The following TJP3 variants were observed in gnomAD, a reference collection of about 807,000 sequenced individuals.
The protein encoded by TJP3 is tight junction protein 3.
TJP3 carries 85 observed loss-of-function variants against 104.2 expected under a neutral mutation model. The ratio of observed to expected loss-of-function variants is 0.82; its 90% CI spans 0.68 to 0.98. The LOEUF is 0.98. Ranked by LOEUF, TJP3 falls within the 50% of genes least tolerant of loss-of-function variation. TJP3 has a pLI of 0.00. For synonymous variants in TJP3, 550 were observed against 550.6 expected, an observed-to-expected ratio of 1.00 and a Z score of 0.02; for missense variants, 1,367 against 1,322.8, an observed-to-expected ratio of 1.03 and a Z score of -0.52.
chr19:3,742,990 G>A (rs955316756), intron 14 of TJP3, among the ~76,000 whole-genome samples: 10 of 150,340 alleles, frequency 6.7e-5, no homozygotes, highest in Admixed American at 3.3e-4. Context: ...AATAGGCCAC[G>A]TGCGGTGGCT....
chr19:3,750,444 C>T, intron 20 of TJP3, 138 bp from the exon 21 acceptor site: 1 of 813,950 alleles, frequency 1.2e-6, no homozygotes. Context: ...AGTTTGTTAA[C>T]AAGGCCCTAC....
At position 3,733,817 on chromosome 19, in the gene TJP3, A is replaced by C; in HGVS notation, c.782A>C (p.Glu261Ala). ...NDTRRLIEKS[E>A]GKLSLLVLRD... ...ACCCGGCGACTGATTGAGAAGTCAG[A>C]AGGGAAGCTAAGCCTGCTGGTGCTG... The change falls in exon 7 of 21, where the codon GAA (glutamate) becomes GCA (alanine). Residue 261 changes from glutamate to alanine, a missense_variant. Physicochemically the swap from Glu to Ala is moderately radical, Grantham distance 107. Coordinates refer to ENST00000541714, the MANE Select transcript of TJP3 (RefSeq NM_001267560.2). 6.2e-7 allele frequency: 1 copy of C among 1,614,194 alleles called. No homozygotes were observed. Among genetic ancestry groups the C allele is most frequent in the South Asian group, 1.1e-5 (1 of 91,092 alleles).
Position 3,748,044 on chromosome 19 carries a change from G to A in TJP3, c.2573G>A (p.Arg858Lys). The A allele has an allele frequency of 1.3e-6, 2 of 1,589,640 alleles. No individual in the cohort carries two copies. Among genetic ancestry groups the A allele is most frequent in the South Asian group, 1.1e-5 (1 of 88,456 alleles). The change falls in exon 19 of 21, where the codon AGG (arginine) becomes AAG (lysine). Residue 858 changes from arginine to lysine, a missense_variant. Arg to Lys is a conservative substitution (Grantham distance 26). Coordinates refer to ENST00000541714, the MANE Select transcript of TJP3 (RefSeq NM_001267560.2). ...CAGGCAGATGAGTCCCAGAGCCCGAGGGATCGTGGGAGAATCTCGGCTCAT... is the reference window on the plus strand; with the variant it reads ...CAGGCAGATGAGTCCCAGAGCCCGAAGGATCGTGGGAGAATCTCGGCTCAT... ...PVQADESQSP[R>K]DRGRISAHQG...
intron 19 of TJP3, among the ~76,000 whole-genome samples, chr19:3,749,116 C>T (rs1283559545): frequency 6.6e-6 from 1 of 151,646 alleles, no homozygotes; most frequent in African/African-American, 2.4e-5. Flanking sequence ...AGGTGATCCA[C>T]GTCGGCCTCT....
chr19:3,749,773 A>AT (rs1224099014), intron 19 of TJP3: 1 of 289,220 alleles, frequency 3.5e-6, no homozygotes, highest in African/African-American at 2.2e-5. Flanking sequence ...GATTAGAGTG[A>AT]TTTTCCTGGG....
rs371222458 is a variant in TJP3, at chr19:3,740,616, G to T, written c.1696G>T (p.Ala566Ser). The change falls in exon 14 of 21, where the codon GCG becomes TCG. Residue 566 changes from alanine (A) to serine (S), a missense_variant. Transcript: ENST00000541714. ...CGTGGGAGTCGGGCCCGGCTCCTCC[G>T]CGGGCTCCAATGCTCGGGCCGAGTT... ...RAVGVGPGSS[A>S]GSNARAEFWR... The T allele has an allele frequency of 3.1e-5, 49 of 1,578,730 alleles. No individual in the cohort carries two copies. The highest frequency in any genetic ancestry group is 5.5e-5 in the Admixed American group (3 of 54,472).
At chr19:3,740,476 G>C (rs1410622551) in intron 13 of TJP3, 76 bp from the exon 14 acceptor site, 1 of 976,630 alleles carries the variant, frequency 1.0e-6, no homozygotes, top group Non-Finnish European at 1.4e-6. Context: ...CAGGCTCCGA[G>C]GGGTAGGACG....
chr19:3,714,703 G>A (rs1187285507), intron 1 of TJP3, among the ~76,000 whole-genome samples: 4 of 152,112 alleles, frequency 2.6e-5, no homozygotes, highest in East Asian at 3.9e-4. Flanking sequence ...GTCAGAGTTC[G>A]AGACCATCCT....
rs766161289 is a variant in TJP3, at chr19:3,734,435, T to G, written c.986T>G (p.Val329Gly). The G allele has an allele frequency of 3.1e-6, 5 of 1,603,748 alleles. No individual in the cohort carries two copies. The highest frequency in any genetic ancestry group is 1.3e-5 in the African/African-American group (1 of 74,604). ...SPEASQTDSP[V>G]ESPRLRRESS... ...GAGGCCAGCCAGACCGACTCTCCCG[T>G]GTAAGTATCACCCATCGGCCAGAAT... The change falls in exon 8 of 21, where the codon GTG becomes GGG. Residue 329 changes from valine (V) to glycine (G), a missense_variant and splice_region_variant. Physicochemically the swap from Val to Gly is moderately radical, Grantham distance 109. Transcript: ENST00000541714.
At chr19:3,749,131 G>C (rs1393813901) in intron 19 of TJP3, among the ~76,000 whole-genome samples, 1 of 151,710 alleles carries the variant, frequency 6.6e-6, no homozygotes, top group Non-Finnish European at 1.5e-5. Flanking sequence ...GCCTCTCAGA[G>C]TGTTGGGATT....
At chr19:3,713,145 G>A (rs1328133834) in intron 1 of TJP3, among the ~76,000 whole-genome samples, 6 of 151,992 alleles carry the variant, frequency 3.9e-5, no homozygotes, top group Admixed American at 2.0e-4. Flanking sequence ...CAGCCCTCCA[G>A]TGCCTTAGGG....
chr19:3,741,688 C>A (rs1277916146), intron 14 of TJP3, among the ~76,000 whole-genome samples: 1 of 150,004 alleles, frequency 6.7e-6, no homozygotes, highest in Non-Finnish European at 1.5e-5. Flanking sequence ...TACTTTTGGG[C>A]CTGGGTGCGG....
intron 1 of TJP3, among the ~76,000 whole-genome samples, chr19:3,710,042 C>T (rs535017800): frequency 2.6e-5 from 4 of 150,950 alleles, no homozygotes; most frequent in South Asian, 2.1e-4. Flanking sequence ...CCAGCTACTC[C>T]GGAGGCTGAG....
intron 3 of TJP3, 49 bp from the exon 4 acceptor site, chr19:3,729,979 G>C (rs1330862107): frequency 6.5e-7 from 1 of 1,529,964 alleles, no homozygotes; most frequent in South Asian, 1.1e-5. Flanking sequence ...CTTGTTACGA[G>C]GGTCTCCCCT....
intron 1 of TJP3, among the ~76,000 whole-genome samples, chr19:3,718,707 G>A (rs146039364): frequency 0.041 from 6,198 of 151,588 alleles, 146 homozygotes; most frequent in Middle Eastern, 0.085. Context: ...GACCTCAGGT[G>A]ATCTGCCCGA....
chr19:3,731,205 T>C (rs1272976284), intron 5 of TJP3, among the ~76,000 whole-genome samples: 1 of 152,070 alleles, frequency 6.6e-6, no homozygotes, highest in Non-Finnish European at 1.5e-5. Context: ...GTCCCCGCGC[T>C]GATCCCCGGG....
chr19:3,721,963 G>T (rs1055540862), intron 1 of TJP3: 14 of 1,039,568 alleles, frequency 1.3e-5, no homozygotes, highest in Admixed American at 4.3e-5. Flanking sequence ...GAGGTGGGGT[G>T]GGGGGAAAGC....
At chr19:3,735,519 C>T (rs774209056) in intron 8 of TJP3, 47 bp from the exon 9 acceptor site, 1 of 1,590,808 alleles carries the variant, frequency 6.3e-7, no homozygotes, top group East Asian at 2.2e-5. Context: ...TTTAAAATGG[C>T]CCCTTGAAAT....
chr19:3,716,541 T>G (rs1019125987), intron 1 of TJP3, among the ~76,000 whole-genome samples: 3 of 147,836 alleles, frequency 2.0e-5, no homozygotes, highest in Non-Finnish European at 4.5e-5. Context: ...CGCACGAGTG[T>G]TGTGTGTAAC....
Sources: allele counts gnomAD v4.1 joint callset (sites outside exome capture counted in the v4.1 genomes callset), GRCh38; gene constraint gnomAD v4.1.1; transcripts MANE v1.5; gene names NCBI Gene and HGNC (gene_info 2026-07-23, HGNC 2026-07-21).